Variants in SCAI observed in about 807,000 individuals in gnomAD.
SCAI encodes suppressor of cancer cell invasion, also known as protein SCAI.
In SCAI, 24 loss-of-function variants were observed where a neutral mutation model predicts 92.2. The ratio of observed to expected loss-of-function variants is 0.26; its 90% confidence interval spans 0.19 to 0.37. SCAI has a LOEUF of 0.37. Ranked by LOEUF, SCAI falls within the 10% of genes least tolerant of loss-of-function variation. The pLI is 1.00. For synonymous variants in SCAI, 261 were observed against 258.6 expected (o/e 1.01, Z -0.09); for missense variants, 450 against 736.2 (o/e 0.61, Z 4.50).
At chr9:125,015,515 T>C (rs1312664746) in intron 9 of SCAI, among the ~76,000 whole-genome samples, 1 of 152,108 alleles carries the variant, frequency 6.6e-6, no homozygotes, top group African/African-American at 2.4e-5. Flanking sequence ...ATGGCAATCA[T>C]TAAAAAGTCA....
chr9:124,989,093 C>T (rs1186223174), intron 14 of SCAI, among the ~76,000 whole-genome samples: 2 of 151,974 alleles, frequency 1.3e-5, no homozygotes, highest in Non-Finnish European at 2.9e-5. Context: ...GAGCCAAGAT[C>T]GTGCCACTGC....
chr9:124,969,640 G>A (rs1245161538), intron 17 of SCAI, among the ~76,000 whole-genome samples: 2 of 152,224 alleles, frequency 1.3e-5, no homozygotes, highest in African/African-American at 2.4e-5. Context: ...ATTGCAACAA[G>A]TGTTGGAAAG....
At chr9:125,112,277 A>G (rs1183624954) in intron 2 of SCAI, among the ~76,000 whole-genome samples, 1 of 152,184 alleles carries the variant, frequency 6.6e-6, no homozygotes. Flanking sequence ...CGTGCCAAGA[A>G]AAGTCTCAAG....
chr9:125,061,011 T>C (rs1833758566), intron 2 of SCAI, among the ~76,000 whole-genome samples: 1 of 152,140 alleles, frequency 6.6e-6, no homozygotes, highest in Admixed American at 6.5e-5. Flanking sequence ...GATTATAAAG[T>C]CCTTGGCCAG....
intron 2 of SCAI, among the ~76,000 whole-genome samples, chr9:125,075,478 A>G (rs1057408697): frequency 2.0e-5 from 3 of 151,396 alleles, no homozygotes; most frequent in African/African-American, 7.3e-5. Flanking sequence ...GGCTCACTGC[A>G]ACCTCTGCTC....
chr9:125,064,297 G>T (rs1833835503), intron 2 of SCAI, among the ~76,000 whole-genome samples: 1 of 152,028 alleles, frequency 6.6e-6, no homozygotes, highest in African/African-American at 2.4e-5. Context: ...TCTACAAACT[G>T]CAGAATATGT....
chr9:124,965,189 T>C (rs569497217), intron 17 of SCAI, among the ~76,000 whole-genome samples: 2 of 152,332 alleles, frequency 1.3e-5, no homozygotes, highest in East Asian at 1.9e-4. Context: ...TGCTTTGTTA[T>C]ATAATGAGTT....
At chr9:125,065,556 G>T (rs887782455) in intron 2 of SCAI, among the ~76,000 whole-genome samples, 3 of 152,154 alleles carry the variant, frequency 2.0e-5, no homozygotes, top group African/African-American at 7.2e-5. Flanking sequence ...TTACAGAATA[G>T]AGAAGAAGGA....
At chr9:125,069,998 CAT>C (rs759258799) in intron 2 of SCAI, among the ~76,000 whole-genome samples, 24 of 152,250 alleles carry the variant, frequency 1.6e-4, no homozygotes, top group African/African-American at 3.6e-4. Context: ...AATACTATCA[CAT>C]GTCTCAGCTG....
At position 125,133,155 on chromosome 9, in the gene SCAI, C is replaced by T. The variant is rs553957072; in HGVS notation, c.98+9478G>A. ...CTGTAATCCTAGCACTTTGGGAGGCCGCTGTGGGCAGATCACTTGAGGTCA... is the reference window on the plus strand; with the variant it reads ...CTGTAATCCTAGCACTTTGGGAGGCTGCTGTGGGCAGATCACTTGAGGTCA... On this transcript the variant is annotated intron_variant, in intron 2 of 17. Transcript: ENST00000336505. 2.0e-5 allele frequency among the ~76,000 whole-genome samples: 3 copies of T among 152,206 alleles called. 1 individual carries two copies. The highest frequency in any genetic ancestry group is 7.2e-5 in the African/African-American group (3 of 41,542).
At chr9:125,104,679 G>A (rs1834740615) in intron 2 of SCAI, among the ~76,000 whole-genome samples, 1 of 151,230 alleles carries the variant, frequency 6.6e-6, no homozygotes, top group South Asian at 2.1e-4. Flanking sequence ...TGAGGCAGGT[G>A]GATCACAAGA....
At chr9:125,035,714 T>C (rs1227992282) in intron 3 of SCAI, among the ~76,000 whole-genome samples, 5 of 152,316 alleles carry the variant, frequency 3.3e-5, no homozygotes, top group African/African-American at 7.2e-5. Flanking sequence ...CTATCATCTA[T>C]GATCAGCATT....
chr9:124,947,065 A>G lies in SCAI; in HGVS notation c.*5742T>C, dbSNP rs1273301595. 6.6e-6 allele frequency: 1 copy of G among 152,194 alleles called. No individual in the cohort carries two copies. The highest frequency in any genetic ancestry group is 1.5e-5 in the Non-Finnish European group (1 of 68,040). The allele number at this position is 152,194 out of a possible 1,614,324, so 9.4% of individuals were successfully genotyped here. On this transcript the variant is annotated 3_prime_UTR_variant, in exon 18 of 18. Transcript: ENST00000336505. ...TCTGCCTCATAGAGACACATAAAACACTGATGAAAAAAGAATTGTTCCAAA... is the reference window on the plus strand; with the variant it reads ...TCTGCCTCATAGAGACACATAAAACGCTGATGAAAAAAGAATTGTTCCAAA...
intron 2 of SCAI, among the ~76,000 whole-genome samples, chr9:125,131,984 G>GA (rs759788286): frequency 2.6e-5 from 4 of 152,176 alleles, no homozygotes; most frequent in Non-Finnish European, 5.9e-5. Context: ...ACACTGCAGA[G>GA]AAAGAGATAA....
intron 2 of SCAI, among the ~76,000 whole-genome samples, chr9:125,122,383 G>C (rs2131250886): frequency 6.6e-6 from 1 of 152,048 alleles, no homozygotes; most frequent in South Asian, 2.1e-4. Context: ...GAGGTCAGGA[G>C]TTCAAGACCA....
intron 2 of SCAI, among the ~76,000 whole-genome samples, chr9:125,088,675 G>A (rs958215222): frequency 1.3e-5 from 2 of 152,068 alleles, no homozygotes; most frequent in Non-Finnish European, 2.9e-5. Flanking sequence ...ATGGGGTCTC[G>A]CTATTTTGCC....
Position 124,959,523 on chromosome 9 carries a change from C to CAT in SCAI, c.1675-6572_1675-6571dup, listed in dbSNP as rs1288996904. On this transcript the variant is annotated intron_variant, in intron 17 of 17. Coordinates refer to ENST00000336505, the MANE Select transcript of SCAI (RefSeq NM_001144877.3). ...ATATACACATATATATATATACACACATATATATACACACATATATATATA... is the reference window on the plus strand; with the variant it reads ...ATATACACATATATATATATACACACATATATATATACACACATATATATATA... Among the ~76,000 whole-genome samples, 933 of 144,934 alleles carry CAT rather than the reference C, an allele frequency of 6.4e-3. 13 individuals carry two copies. The highest frequency in any genetic ancestry group is 0.023 in the African/African-American group (871 of 38,020).
At chr9:124,960,981 G>A (rs778945880) in intron 17 of SCAI, among the ~76,000 whole-genome samples, 4 of 152,074 alleles carry the variant, frequency 2.6e-5, no homozygotes, top group Admixed American at 6.5e-5. Flanking sequence ...AGCTGGGCAT[G>A]TTGGTGCACC....
At chr9:125,059,257 G>A (rs186799621) in intron 2 of SCAI, among the ~76,000 whole-genome samples, 2 of 152,288 alleles carry the variant, frequency 1.3e-5, no homozygotes, top group East Asian at 1.9e-4. Flanking sequence ...AACCAAGTTG[G>A]GGGACATTCT....
Sources: gnomAD v4.1 joint callset for allele counts (sites outside exome capture counted in the v4.1 genomes callset) on GRCh38, gnomAD v4.1.1 for gene constraint, MANE v1.5 for transcripts, NCBI Gene and HGNC (gene_info 2026-07-23, HGNC 2026-07-21) for gene names.